The following COL8A2 variants were observed in gnomAD, a reference collection of about 807,000 sequenced individuals.
COL8A2 encodes the protein collagen alpha-2(VIII) chain.
A neutral mutation model predicts 24.0 loss-of-function variants in COL8A2; 16 were observed. The ratio of observed to expected loss-of-function variants is 0.67; its 90% CI spans 0.45 to 1.01. The LOEUF is 1.01. COL8A2 is among the 50% of genes least tolerant of loss of function. The pLI is 0.00. For synonymous variants in COL8A2, 466 were observed against 424.5 expected (o/e 1.10, Z -1.20); for missense variants, 818 against 942.4 (o/e 0.87, Z 1.73).
In COL8A2 at chr1:36,097,734, A is replaced by G. The variant is rs920141328; in HGVS notation, c.1947T>C (p.Asp649=). 71 of 1,613,642 alleles carry G rather than the reference A, an allele frequency of 4.4e-5. No homozygotes were observed. Among genetic ancestry groups the G allele is most frequent in the Non-Finnish European group, 5.9e-5 (70 of 1,180,018 alleles). Residue 649 remains aspartate, a synonymous_variant, in exon 4 of 4, where the codon GAT becomes GAC. Transcript: ENST00000397799. ...GGTCCAGGTAGCCCTTCTTGTACTCATCGTAGGTATAGGTGGCCGGCACGT... is the reference window on the plus strand; with the variant it reads ...GGTCCAGGTAGCCCTTCTTGTACTCGTCGTAGGTATAGGTGGCCGGCACGT... ...KNNVPATYTY[D]EYKKGYLDQA... is the part of the protein sequence containing the mutation.
At chr1:36,104,622 C>T (rs573675585) in intron 2 of COL8A2, among the ~76,000 whole-genome samples, 39 of 151,624 alleles carry the variant, frequency 2.6e-4, no homozygotes, top group African/African-American at 9.0e-4. Context: ...AGTGAAACCC[C>T]GTCTCTACTA....
rs201487516 is a variant in COL8A2 at position 36,102,664 on chromosome 1, G to GTTTTTTTT, written c.-16-2407_-16-2406insAAAAAAAA. Among the ~76,000 whole-genome samples the GTTTTTTTT allele has an allele frequency of 2.3e-3, 221 of 94,736 alleles. 21 individuals are homozygous for GTTTTTTTT. The highest frequency in any genetic ancestry group is 3.2e-3 in the Non-Finnish European group (163 of 50,680). 62.2% of individuals were successfully genotyped at this position (94,736 alleles called of 152,430 possible). Reference sequence around the variant, plus strand: ...TGTGTGAATTATATCTATAAAGCTGGTTTTTTGTTTTTTTTTTTTTTTTTT... The same window carrying GTTTTTTTT: ...TGTGTGAATTATATCTATAAAGCTGGTTTTTTTTTTTTTTGTTTTTTTTTTTTTTTTTT... On this transcript the variant is annotated intron_variant, in intron 2 of 3. Coordinates refer to ENST00000397799, the MANE Select transcript of COL8A2 (RefSeq NM_005202.4).
At chr1:36,117,024 G>C (rs1643882855) in intron 1 of COL8A2, among the ~76,000 whole-genome samples, 2 of 152,224 alleles carry the variant, frequency 1.3e-5, no homozygotes, top group African/African-American at 4.8e-5. Flanking sequence ...AGATGGGGAG[G>C]GGATGCCCAG....
chr1:36,100,424 G>A (rs761183869), intron 2 of COL8A2, among the ~76,000 whole-genome samples, 166 bp from the exon 3 acceptor site: 5 of 152,262 alleles, frequency 3.3e-5, no homozygotes, highest in South Asian at 2.1e-4. Flanking sequence ...TTTCAAAGTC[G>A]CGGGGGTCTG....
chr1:36,121,895 A>T (rs1418096837), intron 1 of COL8A2, among the ~76,000 whole-genome samples: 1 of 151,600 alleles, frequency 6.6e-6, no homozygotes, highest in Admixed American at 6.6e-5. Flanking sequence ...AGTCTCCATA[A>T]CCCCATCCAT....
rs376963119 is a variant in COL8A2, at chr1:36,101,776, G to A, written c.-16-1518C>T. Among the ~76,000 whole-genome samples, 55 of 152,356 alleles carry A rather than the reference G, an allele frequency of 3.6e-4. No homozygotes were observed. In the East Asian group the frequency reaches 6.2e-3, roughly 17 times the overall value. On this transcript the variant is annotated intron_variant, in intron 2 of 3. Coordinates refer to ENST00000397799, the MANE Select transcript of COL8A2 (RefSeq NM_005202.4). ...AATGAAGTACAGGCTGGGCATGGTG[G>A]TGTATACCTGTAGTCCCAGCTACTC...
chr1:36,112,254 C>T (rs1023453147), intron 2 of COL8A2, among the ~76,000 whole-genome samples: 5 of 152,134 alleles, frequency 3.3e-5, no homozygotes, highest in South Asian at 2.1e-4. Flanking sequence ...CCGCCCGCCT[C>T]GGCCTCCCAA....
chr1:36,100,638 G>A (rs762646646), intron 2 of COL8A2, among the ~76,000 whole-genome samples: 2 of 152,124 alleles, frequency 1.3e-5, no homozygotes, highest in Non-Finnish European at 2.9e-5. Flanking sequence ...TGCTGGGCCA[G>A]CTCTCTGCCA....
chr1:36,108,722 C>CG (rs1229934340), intron 2 of COL8A2, among the ~76,000 whole-genome samples: 1 of 152,014 alleles, frequency 6.6e-6, no homozygotes, highest in Non-Finnish European at 1.5e-5. Flanking sequence ...GGCAGAGTGG[C>CG]GGTGGTGTGC....
chr1:36,106,000 CG>C (rs1390349749), intron 2 of COL8A2, among the ~76,000 whole-genome samples: 2 of 148,294 alleles, frequency 1.3e-5, no homozygotes, highest in African/African-American at 5.0e-5. Context: ...AGGCAGGGCG[CG>C]GTGGCTCACC....
intron 2 of COL8A2, among the ~76,000 whole-genome samples, chr1:36,109,623 G>A (rs1045381825): frequency 3.3e-5 from 5 of 150,562 alleles, no homozygotes; most frequent in Non-Finnish European, 7.4e-5. Flanking sequence ...AGGCTGGAGT[G>A]CAGTGGCACG....
chr1:36,111,576 C>T (rs1188095866), intron 2 of COL8A2, among the ~76,000 whole-genome samples: 2 of 150,036 alleles, frequency 1.3e-5, no homozygotes, highest in African/African-American at 4.9e-5. Flanking sequence ...TTGAGACAGT[C>T]TGCTCTGTCA....
intron 2 of COL8A2, among the ~76,000 whole-genome samples, chr1:36,109,887 C>T (rs1468031998): frequency 6.6e-6 from 1 of 150,820 alleles, no homozygotes; most frequent in African/African-American, 2.4e-5. Context: ...TAAGCCACTG[C>T]GCCAGGCCTT....
chr1:36,098,195 T>G lies in COL8A2; in HGVS notation c.1486A>C (p.Arg496=). Residue 496 remains arginine (R), a synonymous_variant, in exon 4 of 4, where the codon AGA becomes CGA. Transcript: ENST00000397799. The stretch of plus-strand genomic sequence containing the variant: ...CCAGCCGTGCCAGGTTCCCCTGCTC[T>G]CCCCTCTCCAGGGGGCCCTGGCAGG... The part of the protein sequence containing the change: ...PGLPGPPGEG[R]AGEPGTAGPT... 6.5e-7 allele frequency: 1 copy of G among 1,535,236 alleles called. No homozygotes were observed. The highest frequency in any genetic ancestry group is 8.8e-7 in the Non-Finnish European group (1 of 1,141,918).
rs1011916215 is a variant in COL8A2 at position 36,097,387 on chromosome 1, A to G, written c.*182T>C. On this transcript the variant is annotated 3_prime_UTR_variant, in exon 4 of 4. Transcript: ENST00000397799. ...CATTTGGGGGAAAGAAACTCAGGCC[A>G]GCCCCTTCCAGAAACAATCTCAGCC... is the stretch of plus-strand genomic sequence containing the variant. 1.4e-4 allele frequency: 87 copies of G among 619,230 alleles called. No individual in the cohort carries two copies. Among genetic ancestry groups the G allele is most frequent in the Non-Finnish European group, 2.4e-4 (84 of 351,454 alleles). 38.4% of individuals were successfully genotyped at this position (619,230 alleles called of 1,614,324 possible).
rs1312752217 is a variant in COL8A2 at position 36,095,474 on chromosome 1, T to TAA, written c.*2093_*2094dup. 1 of 152,114 alleles carries TAA rather than the reference T, an allele frequency of 6.6e-6. No homozygotes were observed. The allele number at this position is 152,114 out of a possible 1,614,324, so 9.4% of individuals were successfully genotyped here. ...CTTAAAAAAAAAATAGGAATCAATATAAAAATGCACAAGGTAATGTCGTTT... is the reference window on the plus strand; with the variant it reads ...CTTAAAAAAAAAATAGGAATCAATATAAAAAAATGCACAAGGTAATGTCGTTT... On this transcript the variant is annotated 3_prime_UTR_variant, in exon 4 of 4. Transcript: ENST00000397799.
rs12049353 is a variant in COL8A2, at chr1:36,114,182, G to A, written c.-17+1526C>T. On this transcript the variant is annotated intron_variant, in intron 2 of 3. Coordinates refer to ENST00000397799, the MANE Select transcript of COL8A2 (RefSeq NM_005202.4). The stretch of plus-strand genomic sequence containing the variant: ...AAATACAAAAAAATTAGCTGGGCGT[G>A]GTAGAGGGCGCCTATAGTCCCAGCT... Among the ~76,000 whole-genome samples the A allele has an allele frequency of 0.016, 2,468 of 152,150 alleles. 183 individuals are homozygous for A. In the East Asian group the frequency reaches 0.24, roughly 15 times the overall value.
chr1:36,105,086 C>T (rs1165235725), intron 2 of COL8A2, among the ~76,000 whole-genome samples: 1 of 152,096 alleles, frequency 6.6e-6, no homozygotes, highest in Non-Finnish European at 1.5e-5. Flanking sequence ...GGGGAGAAGG[C>T]CTCCCTCAGG....
At chr1:36,122,335 C>T (rs1192491272) in intron 1 of COL8A2, among the ~76,000 whole-genome samples, 1 of 152,212 alleles carries the variant, frequency 6.6e-6, no homozygotes, top group Non-Finnish European at 1.5e-5. Flanking sequence ...CTGCCTTACT[C>T]AAGATCTGCT....
Sources: gnomAD v4.1 joint callset for allele counts (sites outside exome capture counted in the v4.1 genomes callset) on GRCh38, gnomAD v4.1.1 for gene constraint, MANE v1.5 for transcripts, NCBI Gene and HGNC (gene_info 2026-07-23, HGNC 2026-07-21) for gene names.